Variants in ZNF578 observed in about 807,000 individuals in gnomAD.
The protein encoded by ZNF578 is zinc finger protein 578.
ZNF578 carries 8 observed loss-of-function variants against 8.3 expected under a neutral mutation model. The observed-to-expected ratio is 0.96, with a 90% CI of 0.56 to 1.74. The LOEUF is 1.74. Ranked by LOEUF, ZNF578 falls within the 40% of genes most tolerant of loss-of-function variation. The pLI is 0.00. For missense variants in ZNF578, 726 were observed against 707.5 expected (o/e 1.03, Z -0.30); for synonymous variants, 206 against 232.2 (o/e 0.89, Z 1.03).
At chr19:52,464,745 A>C (rs1454313698) in intron 2 of ZNF578, among the ~76,000 whole-genome samples, 2 of 152,346 alleles carry the variant, frequency 1.3e-5, no homozygotes, top group South Asian at 2.1e-4. Flanking sequence ...TGCCCACAAA[A>C]GTTTGACAAA....
At chr19:52,483,253 T>C (rs2059333444) in intron 2 of ZNF578, among the ~76,000 whole-genome samples, 1 of 151,464 alleles carries the variant, frequency 6.6e-6, no homozygotes, top group Non-Finnish European at 1.5e-5. Flanking sequence ...CTGTCTCTAC[T>C]AAAACTACAA....
chr19:52,479,907 C>CTTTA (rs148549832), intron 2 of ZNF578, among the ~76,000 whole-genome samples: 14,505 of 151,970 alleles, frequency 0.095, 1,219 homozygotes, highest in East Asian at 0.32. Context: ...ATTTTTTTAT[C>CTTTA]TGTATTCATT....
chr19:52,494,099 G>A (rs775033750), intron 3 of ZNF578, among the ~76,000 whole-genome samples: 6 of 151,948 alleles, frequency 3.9e-5, no homozygotes, highest in Non-Finnish European at 5.9e-5. Context: ...GGTACAAAAT[G>A]AGCAGAATCC....
chr19:52,478,007 G>A (rs1409030828), intron 2 of ZNF578, among the ~76,000 whole-genome samples: 1 of 152,184 alleles, frequency 6.6e-6, no homozygotes, highest in Admixed American at 6.5e-5. Context: ...GCAGCGTCTG[G>A]GAGTGCCATT....
rs1393373959 is a variant in ZNF578, at chr19:52,492,182, AAAAAAAAAG to A, written c.-20+758_-20+766del. Among the ~76,000 whole-genome samples the A allele has an allele frequency of 3.3e-3, 446 of 136,646 alleles. 2 individuals are homozygous for A. Among genetic ancestry groups the A allele is most frequent in the African/African-American group, 0.012 (416 of 33,324 alleles). 89.6% of individuals were successfully genotyped at this position (136,646 alleles called of 152,430 possible). The stretch of plus-strand genomic sequence containing the variant: ...CAAAAAAAAAAAAAAAAAAAAAAAA[AAAAAAAAAG>A]GGAGGGAGAGACGAGGAAGGGAGCC... On this transcript the variant is annotated intron_variant, in intron 3 of 5. Transcript: ENST00000421239.
At chr19:52,489,428 A>C (rs2059357606) in intron 2 of ZNF578, among the ~76,000 whole-genome samples, 1 of 151,510 alleles carries the variant, frequency 6.6e-6, no homozygotes, top group Non-Finnish European at 1.5e-5. Flanking sequence ...CGTCTCTATA[A>C]AACTACAAAA....
chr19:52,480,632 T>C (rs1028767808), intron 2 of ZNF578, among the ~76,000 whole-genome samples: 1 of 150,006 alleles, frequency 6.7e-6, no homozygotes, highest in African/African-American at 2.4e-5. Flanking sequence ...GCACAGTGGC[T>C]CATGCCTATA....
intron 2 of ZNF578, among the ~76,000 whole-genome samples, chr19:52,481,914 G>A (rs934675163): frequency 6.6e-6 from 1 of 151,958 alleles, no homozygotes; most frequent in Admixed American, 6.6e-5. Context: ...TATTCTTTTT[G>A]TAGAAATGGG....
chr19:52,462,583 G>C (rs2059262318), intron 2 of ZNF578, among the ~76,000 whole-genome samples: 1 of 152,168 alleles, frequency 6.6e-6, no homozygotes, highest in South Asian at 2.1e-4. Flanking sequence ...GCCACGATGA[G>C]GTTACTCGAG....
At chr19:52,477,494 G>T (rs2059311757) in intron 2 of ZNF578, among the ~76,000 whole-genome samples, 2 of 152,130 alleles carry the variant, frequency 1.3e-5, no homozygotes, top group Admixed American at 1.3e-4. Flanking sequence ...CCTGGTAGTA[G>T]TGGGGAACCG....
intron 2 of ZNF578, among the ~76,000 whole-genome samples, chr19:52,484,295 A>G (rs1170460954): frequency 6.6e-6 from 1 of 152,202 alleles, no homozygotes; most frequent in Admixed American, 6.5e-5. Context: ...ACACCCAGAC[A>G]TTCCTTTGCC....
chr19:52,486,890 T>C (rs1056310036), intron 2 of ZNF578, among the ~76,000 whole-genome samples: 1 of 148,624 alleles, frequency 6.7e-6, no homozygotes, highest in Non-Finnish European at 1.5e-5. Flanking sequence ...AGAGAAGGAA[T>C]AGAGAGGGAA....
chr19:52,491,346 GA>G lies in ZNF578; in HGVS notation c.-94del. On this transcript the variant is annotated 5_prime_UTR_variant, in exon 3 of 6. An upstream open reading frame in the 5' UTR loses its in-frame stop. Transcript: ENST00000421239. The stretch of plus-strand genomic sequence containing the variant: ...TAGATATCTCTTCCAAATGCATGAT[GA>G]AAAAGGTGGGAAGATTACTTGAGCC... The G allele has an allele frequency of 7.0e-5, 18 of 256,006 alleles. No individual in the cohort carries two copies. The highest frequency in any genetic ancestry group is 1.7e-4 in the South Asian group (3 of 17,780). The allele number at this position is 256,006 out of a possible 1,614,324, so 15.9% of individuals were successfully genotyped here. A position where few individuals can be genotyped will look rare whatever the true frequency, so the allele number is the denominator to read the frequency against.
At chr19:52,503,800 C>CTTTTTTTTTTTTTTTTTTTTTTT (rs59166209) in intron 4 of ZNF578, among the ~76,000 whole-genome samples, 1 of 125,516 alleles carries the variant, frequency 8.0e-6, no homozygotes. Context: ...CCTGTGTTTG[C>CTTTTTTTTTTTTTTTTTTTTTTT]TTTTTTTTTT....
chr19:52,465,871 C>T (rs947311853), intron 2 of ZNF578, among the ~76,000 whole-genome samples: 1 of 152,348 alleles, frequency 6.6e-6, no homozygotes, highest in East Asian at 1.9e-4. Flanking sequence ...CCGTTTCACA[C>T]GCTTGAGCGT....
At chr19:52,497,166 T>C (rs554618700) in intron 3 of ZNF578, among the ~76,000 whole-genome samples, 59 of 152,042 alleles carry the variant, frequency 3.9e-4, no homozygotes, top group Non-Finnish European at 7.9e-4. Context: ...GTGGCACGAT[T>C]TCGTCTCACT....
In ZNF578 at chr19:52,458,510, C is replaced by T. The variant is rs372826521; in HGVS notation, c.-122+1552C>T. The T allele has an allele frequency of 2.3e-4, 26 of 114,802 alleles. No individual in the cohort carries two copies. In the East Asian group the frequency reaches 4.4e-3, roughly 20 times the overall value. The allele number at this position is 114,802 out of a possible 1,614,324, so 7.1% of individuals were successfully genotyped here. A position where few individuals can be genotyped will look rare whatever the true frequency, so the allele number is the denominator to read the frequency against. On this transcript the variant is annotated intron_variant, in intron 2 of 5. Coordinates refer to ENST00000421239, the MANE Select transcript of ZNF578 (RefSeq NM_001099694.2). The stretch of plus-strand genomic sequence containing the variant: ...TTGAAAATCTGGGAAAAATGACAAC[C>T]CTCTGTATTTTCATTTTTCAATTTA...
intron 4 of ZNF578, among the ~76,000 whole-genome samples, chr19:52,504,074 G>T (rs1296105568): frequency 1.3e-5 from 2 of 151,624 alleles, no homozygotes; most frequent in Non-Finnish European, 2.9e-5. Flanking sequence ...GGGATTACAG[G>T]TGAGAGCCAC....
chr19:52,487,688 T>C (rs2059350254), intron 2 of ZNF578, among the ~76,000 whole-genome samples: 1 of 152,038 alleles, frequency 6.6e-6, no homozygotes, highest in South Asian at 2.1e-4. Flanking sequence ...TGGAGTGCAG[T>C]GCGTGATCTC....
Sources: allele counts gnomAD v4.1 joint callset (sites outside exome capture counted in the v4.1 genomes callset), GRCh38; gene constraint gnomAD v4.1.1; transcripts MANE v1.5; gene names NCBI Gene and HGNC (gene_info 2026-07-23, HGNC 2026-07-21).